The following TENM3 variants were observed in gnomAD, a reference collection of about 807,000 sequenced individuals.
TENM3 encodes the protein teneurin transmembrane protein 3.
A neutral mutation model predicts 255.1 loss-of-function variants in TENM3; 63 were observed. That is an observed-to-expected ratio of 0.25 (90% CI 0.20 to 0.30). The LOEUF is 0.30. Ranked by LOEUF, TENM3 falls within the 10% of genes least tolerant of loss-of-function variation. TENM3 has a pLI of 1.00. For missense variants in TENM3, 2,929 were observed against 3,461.1 expected, an observed-to-expected ratio of 0.85 and a Z score of 3.86; for synonymous variants, 1,306 against 1,322.3, an observed-to-expected ratio of 0.99 and a Z score of 0.27.
At chr4:182,250,767 T>G (rs2150114219) in intron 1 of TENM3, among the ~76,000 whole-genome samples, 1 of 152,338 alleles carries the variant, frequency 6.6e-6, no homozygotes, top group Admixed American at 6.5e-5. Context: ...AAAATAAGCA[T>G]TTTTATATTT....
At chr4:181,600,792 C>T in the TENM3 span, among the ~76,000 whole-genome samples, 1 of 151,192 alleles carries the variant, frequency 6.6e-6, no homozygotes, top group African/African-American at 2.4e-5. Flanking sequence ...CTGTCATTCT[C>T]ATTAGCACCA....
chr4:182,203,542 C>T (rs1235709268), intron 1 of TENM3, among the ~76,000 whole-genome samples: 2 of 152,186 alleles, frequency 1.3e-5, no homozygotes, highest in African/African-American at 4.8e-5. Context: ...ACTTGAGTTC[C>T]TGTTTCTGGG....
intron 3 of TENM3, among the ~76,000 whole-genome samples, chr4:182,556,141 C>A (rs1742564873): frequency 6.6e-6 from 1 of 152,218 alleles, no homozygotes; most frequent in Non-Finnish European, 1.5e-5. Context: ...GAAGGCACAA[C>A]AACCTCCCAC....
chr4:181,916,527 G>C, the TENM3 span, among the ~76,000 whole-genome samples: 1 of 152,234 alleles, frequency 6.6e-6, no homozygotes. Flanking sequence ...TCTAGTAAAA[G>C]GGTTATTGAA....
chr4:182,598,649 C>G (rs1410059105), intron 3 of TENM3, among the ~76,000 whole-genome samples: 1 of 152,174 alleles, frequency 6.6e-6, no homozygotes, highest in Non-Finnish European at 1.5e-5. Flanking sequence ...ACCATTTACA[C>G]AGAGCTTTCA....
chr4:181,823,490 GA>G, the TENM3 span, among the ~76,000 whole-genome samples: 1 of 152,062 alleles, frequency 6.6e-6, no homozygotes, highest in Non-Finnish European at 1.5e-5. Context: ...CTATCAATCA[GA>G]AATTTGCTTT....
chr4:181,592,177 T>C, the TENM3 span, among the ~76,000 whole-genome samples: 5 of 151,784 alleles, frequency 3.3e-5, no homozygotes, highest in African/African-American at 1.2e-4. Flanking sequence ...ATACATAATG[T>C]CAATTTGCCG....
the TENM3 span, among the ~76,000 whole-genome samples, chr4:181,701,895 C>G: frequency 2.5e-4 from 38 of 152,262 alleles, no homozygotes; most frequent in African/African-American, 9.1e-4. Flanking sequence ...AAAATATGCT[C>G]GGGGAACAGG....
the TENM3 span, among the ~76,000 whole-genome samples, chr4:182,046,516 C>A: frequency 6.6e-6 from 1 of 150,604 alleles, no homozygotes; most frequent in Admixed American, 6.6e-5. Context: ...CCAGCCTGGG[C>A]AATATAGCAA....
At chr4:182,393,873 A>G (rs1768614351) in intron 3 of TENM3, among the ~76,000 whole-genome samples, 1 of 152,196 alleles carries the variant, frequency 6.6e-6, no homozygotes, top group South Asian at 2.1e-4. Context: ...CTATTGAGAA[A>G]CTATTGGATA....
intron 2 of TENM3, among the ~76,000 whole-genome samples, chr4:182,329,380 C>T (rs80173494): frequency 0.015 from 2,324 of 152,286 alleles, 30 homozygotes; most frequent in Middle Eastern, 0.041. Context: ...TTCCTTGGCC[C>T]CTCAGGAGCT....
the TENM3 span, among the ~76,000 whole-genome samples, chr4:182,120,277 C>T: frequency 1.2e-4 from 19 of 152,134 alleles, no homozygotes; most frequent in Admixed American, 7.2e-4. Context: ...AGGTTTGTAG[C>T]CTAGGAGCCA....
the TENM3 span, among the ~76,000 whole-genome samples, chr4:181,697,549 A>T: frequency 6.6e-6 from 1 of 151,930 alleles, no homozygotes; most frequent in African/African-American, 2.4e-5. Flanking sequence ...ACCCACTACC[A>T]CACCCGGCTA....
chr4:181,856,070 AG>A, the TENM3 span, among the ~76,000 whole-genome samples: 112 of 59,100 alleles, frequency 1.9e-3, 4 homozygotes, highest in Admixed American at 6.8e-3. Context: ...AAGGAAGGAA[AG>A]GAAGAAGGAA....
chr4:181,774,981 G>T, the TENM3 span, among the ~76,000 whole-genome samples: 39 of 151,844 alleles, frequency 2.6e-4, 1 homozygote, highest in Non-Finnish European at 5.1e-4. Context: ...TGTTCACTCT[G>T]ATGGTAGTTT....
At chr4:182,192,331 A>G (rs1249726158) in intron 1 of TENM3, among the ~76,000 whole-genome samples, 1 of 152,188 alleles carries the variant, frequency 6.6e-6, no homozygotes, top group African/African-American at 2.4e-5. Context: ...ATTTTCTTAG[A>G]TTGTAAACTC....
intron 6 of TENM3, among the ~76,000 whole-genome samples, chr4:182,661,461 G>A (rs1009441767): frequency 6.6e-6 from 1 of 152,170 alleles, no homozygotes; most frequent in Non-Finnish European, 1.5e-5. Context: ...TGACAGGGCT[G>A]CAAGAGCACT....
chr4:182,065,491 C>A, the TENM3 span, among the ~76,000 whole-genome samples: 2 of 152,182 alleles, frequency 1.3e-5, no homozygotes, highest in African/African-American at 4.8e-5. Flanking sequence ...AGGAAGAGAG[C>A]AAAGATAAGG....
At chr4:182,045,506 G>T in the TENM3 span, among the ~76,000 whole-genome samples, 1,051 of 152,112 alleles carry the variant, frequency 6.9e-3, 9 homozygotes, top group African/African-American at 0.024. Flanking sequence ...ATTCTCCTTT[G>T]TTAGGTCATT....
Sources: allele counts gnomAD v4.1 joint callset (sites outside exome capture counted in the v4.1 genomes callset), GRCh38; gene constraint gnomAD v4.1.1; transcripts MANE v1.5; gene names NCBI Gene and HGNC (gene_info 2026-07-23, HGNC 2026-07-21).